Variants in ABCA13 observed in about 807,000 individuals in gnomAD.
The protein encoded by ABCA13 is ATP-binding cassette sub-family A member 13.
Under a neutral mutation model 478.7 loss-of-function variants are expected in ABCA13, and 476 were observed. The ratio of observed to expected loss-of-function variants is 0.99; its 90% CI spans 0.92 to 1.07. The LOEUF is 1.07. ABCA13 is among the 50% of genes least tolerant of loss of function. The pLI is 0.00. For missense variants in ABCA13, 6,060 were observed against 5,910.6 expected, an observed-to-expected ratio of 1.03 and a Z score of -0.83; for synonymous variants, 2,252 against 2,158.9, an observed-to-expected ratio of 1.04 and a Z score of -1.20.
intron 41 of ABCA13, among the ~76,000 whole-genome samples, chr7:48,424,401 C>T (rs1821142236): frequency 6.6e-6 from 1 of 152,180 alleles, no homozygotes; most frequent in African/African-American, 2.4e-5. Flanking sequence ...AGAAGGAATA[C>T]AGTGAGAACT....
chr7:48,377,025 G>A (rs1418008043), intron 35 of ABCA13, among the ~76,000 whole-genome samples: 1 of 152,134 alleles, frequency 6.6e-6, no homozygotes, highest in Non-Finnish European at 1.5e-5. Flanking sequence ...GGAGAAGCAG[G>A]CAGAGCCTAA....
intron 55 of ABCA13, among the ~76,000 whole-genome samples, chr7:48,548,192 T>A (rs1784992727): frequency 6.6e-6 from 1 of 151,928 alleles, no homozygotes; most frequent in Non-Finnish European, 1.5e-5. Flanking sequence ...ATATTGTTTA[T>A]CCTATAGGAA....
chr7:48,262,597 A>G (rs1030323064), intron 15 of ABCA13, among the ~76,000 whole-genome samples: 1 of 151,250 alleles, frequency 6.6e-6, no homozygotes, highest in Non-Finnish European at 1.5e-5. Context: ...CATTTTATCT[A>G]TGTGGTTGTA....
chr7:48,308,520 C>T (rs997873280), intron 23 of ABCA13, among the ~76,000 whole-genome samples: 2 of 152,082 alleles, frequency 1.3e-5, no homozygotes, highest in Admixed American at 6.5e-5. Context: ...GTTTTGTTTA[C>T]ACCGGCACTG....
At chr7:48,501,366 GAGCACTA>G (rs1830725914) in intron 48 of ABCA13, among the ~76,000 whole-genome samples, 1 of 152,144 alleles carries the variant, frequency 6.6e-6, no homozygotes, top group Non-Finnish European at 1.5e-5. Context: ...CAAGAGCTCT[GAGCACTA>G]AGCAGAAAGG....
At chr7:48,552,215 T>C (rs1785392351) in intron 55 of ABCA13, among the ~76,000 whole-genome samples, 1 of 151,848 alleles carries the variant, frequency 6.6e-6, no homozygotes, top group Non-Finnish European at 1.5e-5. Flanking sequence ...AGACATTCCT[T>C]TCCTTGGGTT....
At chr7:48,435,731 C>T (rs1361571191) in intron 42 of ABCA13, among the ~76,000 whole-genome samples, 2 of 151,608 alleles carry the variant, frequency 1.3e-5, no homozygotes, top group Non-Finnish European at 3.0e-5. Flanking sequence ...TAACAAAGTG[C>T]TGAATTTTGT....
intron 3 of ABCA13, among the ~76,000 whole-genome samples, chr7:48,198,714 G>C (rs1470014458): frequency 6.6e-6 from 1 of 152,128 alleles, no homozygotes; most frequent in Non-Finnish European, 1.5e-5. Context: ...ATTATTTTTT[G>C]AGCTACCTAC....
Position 48,278,497 on chromosome 7 carries a change from A to G in ABCA13, c.7303A>G (p.Asn2435Asp), listed in dbSNP as rs1796591036. ...RLLDTILHSPNKDFYALYPTL... is the reference protein window; with the variant it reads ...RLLDTILHSPDKDFYALYPTL... ...TCTGGATACAATTTTACACTCTCCT[A>G]ATAAGGACTTCTATGCTTTGTATCC... Residue 2435 changes from asparagine to aspartate, a missense_variant, in exon 18 of 62, where the codon AAT becomes GAT. Physicochemically the swap from Asn to Asp is conservative, Grantham distance 23 (BLOSUM62 1). Around this residue, in one of 3 missense-constraint regions of ABCA13, gnomAD observed 4,423 missense variants for 4,309.1 expected, o/e 1.03. Transcript: ENST00000435803. 1 of 1,613,840 alleles carries G rather than the reference A, an allele frequency of 6.2e-7. No individual in the cohort carries two copies. The highest frequency in any genetic ancestry group is 8.5e-7 in the Non-Finnish European group (1 of 1,179,872).
intron 13 of ABCA13, among the ~76,000 whole-genome samples, chr7:48,247,071 C>T (rs1356107121): frequency 6.6e-6 from 1 of 151,804 alleles, no homozygotes; most frequent in African/African-American, 2.4e-5. Flanking sequence ...CCCATCTCTA[C>T]AAAAATGAAA....
chr7:48,236,059 G>C (rs1463475636), intron 8 of ABCA13, among the ~76,000 whole-genome samples: 1 of 152,142 alleles, frequency 6.6e-6, no homozygotes, highest in African/African-American at 2.4e-5. Flanking sequence ...GGGTTGATGA[G>C]GATGTAACCT....
At chr7:48,336,240 A>G (rs951061960) in intron 28 of ABCA13, among the ~76,000 whole-genome samples, 3 of 152,188 alleles carry the variant, frequency 2.0e-5, no homozygotes, top group Non-Finnish European at 4.4e-5. Flanking sequence ...GATAGTAGTT[A>G]TGAGGTATAA....
At chr7:48,477,430 C>G (rs1828231666) in intron 45 of ABCA13, among the ~76,000 whole-genome samples, 1 of 151,970 alleles carries the variant, frequency 6.6e-6, no homozygotes, top group African/African-American at 2.4e-5. Context: ...GCTATAAAGA[C>G]ACATGCACAC....
intron 39 of ABCA13, among the ~76,000 whole-genome samples, chr7:48,406,789 C>T (rs1175622984): frequency 1.3e-5 from 2 of 152,128 alleles, no homozygotes; most frequent in Admixed American, 1.3e-4. Context: ...AGGAGAATCA[C>T]TTGAACCCGG....
At position 48,455,045 on chromosome 7, in the gene ABCA13, C is replaced by T; in HGVS notation, c.12574C>T (p.Leu4192=). ...TGHLSGYCGS[L]ARPATVQGVQ... is the part of the protein sequence containing the mutation. ...TCCCGCCCGTCCTGCAGGTGGCTCCCTAGCACGGCCCGCAACTGTGCAGGG... is the reference window on the plus strand; with the variant it reads ...TCCCGCCCGTCCTGCAGGTGGCTCCTTAGCACGGCCCGCAACTGTGCAGGG... Residue 4192 remains leucine (L), a synonymous_variant, in exon 43 of 62, where the codon CTA becomes TTA. Transcript: ENST00000435803. The T allele has an allele frequency of 3.3e-6, 5 of 1,520,814 alleles. No individual in the cohort carries two copies. Among genetic ancestry groups the T allele is most frequent in the Non-Finnish European group, 4.4e-6 (5 of 1,136,202 alleles). 94.2% of individuals were successfully genotyped at this position (1,520,814 alleles called of 1,614,324 possible). A position where few individuals can be genotyped will look rare whatever the true frequency, so the allele number is the denominator to read the frequency against.
At chr7:48,366,187 C>G (rs988060144) in intron 31 of ABCA13, among the ~76,000 whole-genome samples, 2 of 152,116 alleles carry the variant, frequency 1.3e-5, no homozygotes, top group Non-Finnish European at 2.9e-5. Context: ...AAGCCCAGGA[C>G]CTGATGGCTT....
chr7:48,457,277 A>G (rs1291246412), intron 43 of ABCA13, among the ~76,000 whole-genome samples: 2 of 151,812 alleles, frequency 1.3e-5, no homozygotes, highest in Non-Finnish European at 2.9e-5. Flanking sequence ...AGCATCATCT[A>G]TATATATATA....
intron 32 of ABCA13, among the ~76,000 whole-genome samples, chr7:48,369,224 G>A (rs901486775): frequency 9.9e-5 from 15 of 151,932 alleles, no homozygotes; most frequent in South Asian, 2.1e-4. Flanking sequence ...GTCTGTTCAC[G>A]TCCTTCACCC....
chr7:48,476,930 G>A (rs1166547482), intron 45 of ABCA13, among the ~76,000 whole-genome samples: 4 of 152,258 alleles, frequency 2.6e-5, no homozygotes, highest in African/African-American at 9.6e-5. Context: ...AAGAGGAAAA[G>A]GGAAAGGATA....
Sources: allele counts gnomAD v4.1 joint callset (sites outside exome capture counted in the v4.1 genomes callset), GRCh38; gene constraint gnomAD v4.1.1; regional missense constraint gnomAD v4.1.1; transcripts MANE v1.5; gene names NCBI Gene and HGNC (gene_info 2026-07-23, HGNC 2026-07-21).